PAK5: variants seen among roughly 807,000 people sequenced by gnomAD.
PAK5 encodes serine/threonine-protein kinase PAK 5.
PAK5 carries 16 observed loss-of-function variants against 65.9 expected under a neutral mutation model. That is an observed-to-expected ratio of 0.24 (90% CI 0.16 to 0.37). PAK5 has a LOEUF of 0.37. Ranked by LOEUF, PAK5 falls within the 10% of genes least tolerant of loss-of-function variation. The pLI, the probability that PAK5 is intolerant of heterozygous loss-of-function variation, is 1.00. For missense variants in PAK5, 785 were observed against 903.9 expected, an observed-to-expected ratio of 0.87 and a Z score of 1.69; for synonymous variants, 371 against 354.9, an observed-to-expected ratio of 1.05 and a Z score of -0.51.
At chr20:9,626,918 G>A (rs887774605) in intron 3 of PAK5, among the ~76,000 whole-genome samples, 1 of 151,986 alleles carries the variant, frequency 6.6e-6, no homozygotes. Flanking sequence ...GTATGTGTAC[G>A]CACATGTGTC....
chr20:9,580,740 G>C lies in PAK5; in HGVS notation c.395C>G (p.Ser132Cys), dbSNP rs760277504. Residue 132 changes from serine (S) to cysteine (C), a missense_variant, in exon 4 of 10, where the codon TCC becomes TGC. Physicochemically the swap from Ser to Cys is moderately radical, Grantham distance 112 (BLOSUM62 -1). This residue lies in a region of PAK5 where 422 missense variants were observed against 413.3 expected (regional missense o/e 1.02). Coordinates refer to ENST00000353224, the MANE Select transcript of PAK5 (RefSeq NM_177990.4). ...GTCAGCAGTAGTATCGGATTCGCTG[G>C]AATACTGGGAGAAGGTGATGAAGCC... ...ENGFITFSQY[S>C]SESDTTADYT... is the part of the protein sequence containing the mutation. 21 of 1,613,934 alleles carry C rather than the reference G, an allele frequency of 1.3e-5. No homozygotes were observed. In the East Asian group the frequency reaches 4.2e-4, roughly 33 times the overall value.
At chr20:9,811,716 T>C (rs1220297592) in intron 1 of PAK5, among the ~76,000 whole-genome samples, 2 of 152,132 alleles carry the variant, frequency 1.3e-5, no homozygotes, top group African/African-American at 4.8e-5. Flanking sequence ...TCAAATATTA[T>C]CTTTAAAGCA....
chr20:9,577,655 T>C (rs893047897), intron 4 of PAK5: 1 of 152,228 alleles, frequency 6.6e-6, no homozygotes, highest in African/African-American at 2.4e-5. Flanking sequence ...AGAGAAATGT[T>C]GTATTTTTAA....
intron 1 of PAK5, among the ~76,000 whole-genome samples, chr20:9,744,132 G>A (rs1449881363): frequency 4.6e-5 from 7 of 152,158 alleles, no homozygotes; most frequent in Admixed American, 4.6e-4. Flanking sequence ...TGGAGGAAGT[G>A]GGTCCCTGTA....
chr20:9,651,350 T>C (rs934929436), intron 2 of PAK5, among the ~76,000 whole-genome samples: 5 of 152,204 alleles, frequency 3.3e-5, no homozygotes, highest in Non-Finnish European at 7.3e-5. Flanking sequence ...GGAACTCTAC[T>C]ATAAGCCAGG....
intron 3 of PAK5, among the ~76,000 whole-genome samples, chr20:9,638,092 T>G (rs1186165889): frequency 1.3e-5 from 2 of 152,164 alleles, no homozygotes; most frequent in Non-Finnish European, 1.5e-5. Flanking sequence ...GGCTTGGGAA[T>G]CTGAGCTATA....
At chr20:9,834,222 T>TG (rs1281897219) in intron 1 of PAK5, among the ~76,000 whole-genome samples, 1 of 152,208 alleles carries the variant, frequency 6.6e-6, no homozygotes, top group East Asian at 1.9e-4. Flanking sequence ...TATAAAAATC[T>TG]GAAATTGAAG....
Position 9,566,339 on chromosome 20 carries a change from C to T in PAK5, c.1036G>A (p.Gly346Arg). The T allele has an allele frequency of 6.2e-7, 1 of 1,613,570 alleles. No homozygotes were observed. The change falls in exon 5 of 10, where the codon GGG (glycine) becomes AGG (arginine). Residue 346 changes from glycine to arginine, a missense_variant. Gly to Arg is a moderately radical substitution (Grantham distance 125). Around this residue, in one of 4 missense-constraint regions of PAK5, gnomAD observed 422 missense variants for 413.3 expected, o/e 1.02. Coordinates refer to ENST00000353224, the MANE Select transcript of PAK5 (RefSeq NM_177990.4). Reference protein sequence around the residue: ...AQMVLSPPLSGSDTYPRGPAK... With the variant: ...AQMVLSPPLSRSDTYPRGPAK... ...GGGCCCCTGGGGTAGGTGTCAGACC[C>T]TGACAGTGGAGGGCTGAGGACCATC... is the stretch of plus-strand genomic sequence containing the variant.
In PAK5 at chr20:9,777,771, G is replaced by T. The variant is rs148265253; in HGVS notation, c.-162+60991C>A. Among the ~76,000 whole-genome samples, 1,149 of 152,290 alleles carry T rather than the reference G, an allele frequency of 7.5e-3. 15 individuals are homozygous for T. Among genetic ancestry groups the T allele is most frequent in the African/African-American group, 0.026 (1,100 of 41,582 alleles). ...GGAATCTAGCATGGGCTATGCCAGG[G>T]TCATCGATGAGGACAGTGGTGCTCC... On this transcript the variant is annotated intron_variant, in intron 1 of 9. Transcript: ENST00000353224.
chr20:9,561,966 A>G (rs1021933373), intron 6 of PAK5, among the ~76,000 whole-genome samples: 1 of 152,162 alleles, frequency 6.6e-6, no homozygotes, highest in African/African-American at 2.4e-5. Context: ...CAGGATATGC[A>G]TTTTGATAAG....
Position 9,542,679 on chromosome 20 carries a change from A to G in PAK5, c.1911T>C (p.Ile637=), listed in dbSNP as rs758556462. ...CATTGAAGTAGGGGGGCTCGCCATCAATCATTTCTATCACCATGATCCCGA... is the reference window on the plus strand; with the variant it reads ...CATTGAAGTAGGGGGGCTCGCCATCGATCATTTCTATCACCATGATCCCGA... ...WSLGIMVIEM[I]DGEPPYFNEP... The change falls in exon 9 of 10, where the codon ATT becomes ATC. Residue 637 remains isoleucine (I), a synonymous_variant. Coordinates refer to ENST00000353224, the MANE Select transcript of PAK5 (RefSeq NM_177990.4). 3.7e-6 allele frequency: 6 copies of G among 1,613,992 alleles called. No homozygotes were observed. Among genetic ancestry groups the G allele is most frequent in the East Asian group, 4.5e-5 (2 of 44,880 alleles).
chr20:9,781,320 G>A (rs576353060), intron 1 of PAK5, among the ~76,000 whole-genome samples: 2 of 152,160 alleles, frequency 1.3e-5, no homozygotes, highest in African/African-American at 4.8e-5. Context: ...TTTTAGGAAA[G>A]CTTATGTGGG....
At chr20:9,671,809 A>G in intron 2 of PAK5, among the ~76,000 whole-genome samples, 1 of 151,894 alleles carries the variant, frequency 6.6e-6, no homozygotes, top group East Asian at 1.9e-4. Flanking sequence ...TTCCAACACT[A>G]TGTTGAATAG....
chr20:9,676,155 C>T (rs1005344238), intron 2 of PAK5, among the ~76,000 whole-genome samples: 1 of 152,046 alleles, frequency 6.6e-6, no homozygotes, highest in Admixed American at 6.5e-5. Flanking sequence ...CTCCCCCTTA[C>T]AATAATCATC....
At chr20:9,727,207 T>C (rs2048287205) in intron 1 of PAK5, among the ~76,000 whole-genome samples, 1 of 152,178 alleles carries the variant, frequency 6.6e-6, no homozygotes, top group Admixed American at 6.5e-5. Flanking sequence ...ATTACTTTTG[T>C]AATGGCAAAG....
intron 1 of PAK5, among the ~76,000 whole-genome samples, chr20:9,760,673 CTT>C (rs5840332): frequency 1.6e-5 from 2 of 122,830 alleles, no homozygotes; most frequent in Admixed American, 9.0e-5. Context: ...CTTTTCTTTT[CTT>C]TTTTTTTTTT....
intron 1 of PAK5, among the ~76,000 whole-genome samples, chr20:9,714,470 G>C (rs544071938): frequency 6.6e-6 from 1 of 152,042 alleles, no homozygotes; most frequent in Non-Finnish European, 1.5e-5. Flanking sequence ...ACTTTACATG[G>C]CTATTTTCCA....
In PAK5 at chr20:9,539,634, A is replaced by C; in HGVS notation, c.2005-17T>G. 1 of 1,611,348 alleles carries C rather than the reference A, an allele frequency of 6.2e-7. No individual in the cohort carries two copies. Among genetic ancestry groups the C allele is most frequent in the Non-Finnish European group, 8.5e-7 (1 of 1,178,656 alleles). ...TGAAGAAACCTGTGAAAACACACAG[A>C]TACCAATCTGAGGACTAACACAGAC... On this transcript the variant is annotated splice_polypyrimidine_tract_variant and intron_variant, in intron 9 of 9. Coordinates refer to ENST00000353224, the MANE Select transcript of PAK5 (RefSeq NM_177990.4).
intron 1 of PAK5, among the ~76,000 whole-genome samples, chr20:9,742,697 A>G (rs1318931080): frequency 1.3e-5 from 2 of 152,192 alleles, no homozygotes; most frequent in Non-Finnish European, 2.9e-5. Context: ...ATCTGGATTT[A>G]TCTACATACT....
Sources: gnomAD v4.1 joint callset for allele counts (sites outside exome capture counted in the v4.1 genomes callset) on GRCh38, gnomAD v4.1.1 for gene constraint, gnomAD v4.1.1 regional missense constraint, MANE v1.5 for transcripts, NCBI Gene and HGNC (gene_info 2026-07-23, HGNC 2026-07-21) for gene names.